NRXN3: variants seen among roughly 807,000 people sequenced by gnomAD.
NRXN3 encodes neurexin III.
Under a neutral mutation model 137.6 loss-of-function variants are expected in NRXN3, and 32 were observed. The ratio of observed to expected loss-of-function variants is 0.23; its 90% CI spans 0.18 to 0.31. NRXN3 has a LOEUF of 0.31. NRXN3 is among the 10% of genes least tolerant of loss of function. NRXN3 has a pLI of 1.00. For missense variants in NRXN3, 1,574 were observed against 2,062.5 expected (o/e 0.76, Z 4.59); for synonymous variants, 798 against 784.5 (o/e 1.02, Z -0.29).
chr14:78,306,746 C>A (rs1226803308), intron 4 of NRXN3, among the ~76,000 whole-genome samples: 1 of 152,096 alleles, frequency 6.6e-6, no homozygotes, highest in African/African-American at 2.4e-5. Flanking sequence ...CAGAATTAAG[C>A]AGATCCTCTG....
chr14:79,055,264 A>C (rs2099656405), intron 15 of NRXN3, among the ~76,000 whole-genome samples: 1 of 152,218 alleles, frequency 6.6e-6, no homozygotes, highest in African/African-American at 2.4e-5. Context: ...ACTCCATTAT[A>C]GCAGTTGTTA....
chr14:79,095,046 G>C (rs1405317781), intron 15 of NRXN3, among the ~76,000 whole-genome samples: 1 of 148,948 alleles, frequency 6.7e-6, no homozygotes, highest in Non-Finnish European at 1.5e-5. Context: ...AAAATGGACA[G>C]GTCATTTTGT....
At chr14:79,762,422 A>G (rs1161286925) in intron 19 of NRXN3, among the ~76,000 whole-genome samples, 1 of 151,636 alleles carries the variant, frequency 6.6e-6, no homozygotes, top group Non-Finnish European at 1.5e-5. Context: ...TAAAATGGCT[A>G]ATCTGTGGGT....
chr14:79,807,033 A>C (rs1244052837), intron 20 of NRXN3, among the ~76,000 whole-genome samples: 1 of 116,142 alleles, frequency 8.6e-6, no homozygotes, highest in Non-Finnish European at 1.6e-5. Flanking sequence ...GCTGGAGTGC[A>C]GTGGCGTGTT....
At chr14:78,981,696 C>G (rs2099489854) in intron 14 of NRXN3, among the ~76,000 whole-genome samples, 1 of 152,054 alleles carries the variant, frequency 6.6e-6, no homozygotes, top group South Asian at 2.1e-4. Flanking sequence ...ATAATAAGCA[C>G]TAGGTAAGCT....
intron 4 of NRXN3, among the ~76,000 whole-genome samples, chr14:78,473,558 G>T (rs1018066660): frequency 1.8e-4 from 27 of 152,190 alleles, no homozygotes; most frequent in African/African-American, 6.3e-4. Flanking sequence ...GTCATTCTTG[G>T]ATTAAACTAG....
chr14:78,411,328 C>T (rs1468782771), intron 4 of NRXN3, among the ~76,000 whole-genome samples: 1 of 152,158 alleles, frequency 6.6e-6, no homozygotes, highest in Admixed American at 6.5e-5. Context: ...GCAGTTGCAT[C>T]AAATCACAGA....
At chr14:78,443,170 C>G (rs2094312797) in intron 4 of NRXN3, among the ~76,000 whole-genome samples, 1 of 152,230 alleles carries the variant, frequency 6.6e-6, no homozygotes, top group Non-Finnish European at 1.5e-5. Context: ...TTTGCCTGAG[C>G]TAGGGATACC....
chr14:79,396,596 G>A (rs1210686913), intron 15 of NRXN3, among the ~76,000 whole-genome samples: 1 of 152,076 alleles, frequency 6.6e-6, no homozygotes, highest in African/African-American at 2.4e-5. Flanking sequence ...AGGAAGGAAG[G>A]GTACCAGACA....
chr14:79,632,876 C>CT (rs1302712851), intron 16 of NRXN3, among the ~76,000 whole-genome samples: 1 of 152,144 alleles, frequency 6.6e-6, no homozygotes, highest in Admixed American at 6.5e-5. Context: ...CACAGGTTTA[C>CT]TTTAACATAT....
At chr14:79,265,489 T>A (rs1474582842) in intron 15 of NRXN3, among the ~76,000 whole-genome samples, 1 of 152,078 alleles carries the variant, frequency 6.6e-6, no homozygotes, top group Non-Finnish European at 1.5e-5. Flanking sequence ...AAGATTTACA[T>A]ATTGCTGGAT....
chr14:78,730,762 T>G (rs1595275258), intron 8 of NRXN3, among the ~76,000 whole-genome samples: 1 of 152,296 alleles, frequency 6.6e-6, no homozygotes, highest in South Asian at 2.1e-4. Flanking sequence ...TAAAACCAGG[T>G]GGCTAAAATA....
intron 15 of NRXN3, among the ~76,000 whole-genome samples, chr14:79,114,702 A>G (rs1568329272): frequency 6.6e-6 from 1 of 152,092 alleles, no homozygotes; most frequent in Non-Finnish European, 1.5e-5. Flanking sequence ...AACCTGGTCA[A>G]TATTTTGGAG....
intron 19 of NRXN3, among the ~76,000 whole-genome samples, chr14:79,719,959 C>G (rs1254411251): frequency 1.3e-5 from 2 of 152,022 alleles, no homozygotes; most frequent in Non-Finnish European, 2.9e-5. Flanking sequence ...TATTATTGCT[C>G]TTTTGTCCAC....
intron 15 of NRXN3, among the ~76,000 whole-genome samples, chr14:79,238,973 A>G (rs1196779515): frequency 6.6e-6 from 1 of 152,112 alleles, no homozygotes; most frequent in South Asian, 2.1e-4. Context: ...CCAAATAACT[A>G]TTAGTGTACA....
At chr14:78,706,954 C>T (rs956572263) in intron 6 of NRXN3, among the ~76,000 whole-genome samples, 9 of 152,256 alleles carry the variant, frequency 5.9e-5, no homozygotes, top group African/African-American at 1.9e-4. Context: ...ATCCAATTAA[C>T]TTTGTCTCAC....
chr14:79,024,107 A>G (rs891301884), intron 15 of NRXN3, among the ~76,000 whole-genome samples: 6 of 152,112 alleles, frequency 3.9e-5, no homozygotes, highest in African/African-American at 1.4e-4. Flanking sequence ...TGTCTGGCAT[A>G]TCATTCATGT....
intron 15 of NRXN3, among the ~76,000 whole-genome samples, chr14:79,097,689 C>A (rs750128869): frequency 2.6e-5 from 4 of 152,040 alleles, no homozygotes; most frequent in Non-Finnish European, 4.4e-5. Flanking sequence ...GAAATGAATA[C>A]CCCTATATAC....
intron 19 of NRXN3, among the ~76,000 whole-genome samples, chr14:79,770,774 CAG>C (rs1220787342): frequency 6.6e-6 from 1 of 151,112 alleles, no homozygotes; most frequent in African/African-American, 2.4e-5. Flanking sequence ...TAACTAAAAT[CAG>C]AGCAGAACTG....
Sources: allele counts gnomAD v4.1 joint callset (sites outside exome capture counted in the v4.1 genomes callset), GRCh38; gene constraint gnomAD v4.1.1; transcripts MANE v1.5; gene names NCBI Gene and HGNC (gene_info 2026-07-23, HGNC 2026-07-21).